The following COX7B2 variants were observed in gnomAD, a reference collection of about 807,000 sequenced individuals.
The protein encoded by COX7B2 is cytochrome c oxidase subunit 7B2, mitochondrial.
For missense variants in COX7B2, 109 were observed against 95.9 expected, an observed-to-expected ratio of 1.14 and a Z score of -0.57; for synonymous variants, 37 against 32.1, an observed-to-expected ratio of 1.15 and a Z score of -0.51.
At chr4:46,763,078 TATTACA>T (rs1716306835) in intron 2 of COX7B2, among the ~76,000 whole-genome samples, 1 of 131,092 alleles carries the variant, frequency 7.6e-6, no homozygotes, top group Non-Finnish European at 1.6e-5. Context: ...ATATAATATA[TATTACA>T]TATTATAATA....
chr4:46,880,168 G>A (rs983644210), intron 1 of COX7B2, among the ~76,000 whole-genome samples: 33 of 152,096 alleles, frequency 2.2e-4, no homozygotes, highest in Admixed American at 5.9e-4. Context: ...TGCTGGATTC[G>A]GTTTACAAGT....
intron 2 of COX7B2, among the ~76,000 whole-genome samples, chr4:46,827,708 G>A (rs1173494072): frequency 1.3e-5 from 2 of 152,136 alleles, no homozygotes; most frequent in African/African-American, 2.4e-5. Context: ...TATACAGGAA[G>A]GAATGAAGAG....
chr4:46,799,871 T>C (rs138556018), intron 2 of COX7B2, among the ~76,000 whole-genome samples: 207 of 152,272 alleles, frequency 1.4e-3, no homozygotes, highest in African/African-American at 4.7e-3. Context: ...ATAAAATAAG[T>C]TAGGGAGGAG....
intron 1 of COX7B2, among the ~76,000 whole-genome samples, chr4:46,872,323 G>C (rs1430062478): frequency 2.6e-5 from 4 of 152,240 alleles, no homozygotes; most frequent in African/African-American, 9.6e-5. Flanking sequence ...GCCTACTTGA[G>C]GGTGGAGGGT....
chr4:46,832,754 T>C (rs1281282096), intron 2 of COX7B2, among the ~76,000 whole-genome samples: 1 of 152,136 alleles, frequency 6.6e-6, no homozygotes, highest in African/African-American at 2.4e-5. Flanking sequence ...CAAAAGAATC[T>C]GGGACCTCCC....
intron 1 of COX7B2, among the ~76,000 whole-genome samples, chr4:46,852,596 G>T (rs1716756409): frequency 6.6e-6 from 1 of 150,490 alleles, no homozygotes; most frequent in Non-Finnish European, 1.5e-5. Context: ...ACACAGAGCT[G>T]ATTTTCATTA....
chr4:46,769,227 G>A (rs182577318), intron 2 of COX7B2, among the ~76,000 whole-genome samples: 1 of 152,054 alleles, frequency 6.6e-6, no homozygotes, highest in Non-Finnish European at 1.5e-5. Flanking sequence ...ATTTTATGAT[G>A]TAATATTACC....
intron 1 of COX7B2, among the ~76,000 whole-genome samples, chr4:46,903,723 A>G (rs1720208339): frequency 1.3e-5 from 2 of 152,188 alleles, no homozygotes; most frequent in Admixed American, 1.3e-4. Context: ...CCATTGTGTT[A>G]CAAGGACCTT....
chr4:46,791,782 T>C (rs1222500539), intron 2 of COX7B2, among the ~76,000 whole-genome samples: 1 of 152,204 alleles, frequency 6.6e-6, no homozygotes, highest in Admixed American at 6.5e-5. Context: ...ATCCAAGCAG[T>C]CCTTTCCATA....
chr4:46,894,866 A>G (rs1454533498), intron 1 of COX7B2, among the ~76,000 whole-genome samples: 1 of 152,234 alleles, frequency 6.6e-6, no homozygotes, highest in Non-Finnish European at 1.5e-5. Context: ...TGCATCCAAG[A>G]AGTATGTGAA....
intron 2 of COX7B2, among the ~76,000 whole-genome samples, chr4:46,807,451 A>G (rs1370080713): frequency 6.6e-6 from 1 of 151,826 alleles, no homozygotes; most frequent in Non-Finnish European, 1.5e-5. Context: ...TCTTTTTCCA[A>G]TCCATAGGCT....
intron 2 of COX7B2, among the ~76,000 whole-genome samples, chr4:46,748,431 G>C (rs529112659): frequency 1.2e-4 from 18 of 152,264 alleles, no homozygotes; most frequent in African/African-American, 3.6e-4. Context: ...TACACAGCAT[G>C]AGAATATTAT....
intron 2 of COX7B2, among the ~76,000 whole-genome samples, chr4:46,753,505 G>A (rs1715540638): frequency 6.6e-6 from 1 of 151,498 alleles, no homozygotes; most frequent in African/African-American, 2.4e-5. Flanking sequence ...AAACTGGCTA[G>A]CCATATGTAG....
chr4:46,786,776 C>T (rs1717773038), intron 2 of COX7B2, among the ~76,000 whole-genome samples: 1 of 152,034 alleles, frequency 6.6e-6, no homozygotes, highest in Admixed American at 6.5e-5. Flanking sequence ...GTAGGGATGC[C>T]CGGCTAGAGA....
chr4:46,837,114 G>C (rs1715564829), intron 2 of COX7B2, among the ~76,000 whole-genome samples: 1 of 151,968 alleles, frequency 6.6e-6, no homozygotes, highest in Admixed American at 6.6e-5. Flanking sequence ...GTTTCCAAAA[G>C]AAAGTGTGCC....
At chr4:46,807,309 C>T (rs1201167806) in intron 2 of COX7B2, among the ~76,000 whole-genome samples, 4 of 151,798 alleles carry the variant, frequency 2.6e-5, no homozygotes, top group African/African-American at 9.7e-5. Flanking sequence ...TTTATGTCTT[C>T]TTTGGAGAAG....
At chr4:46,857,874 T>C (rs1375870122) in intron 1 of COX7B2, among the ~76,000 whole-genome samples, 2 of 152,176 alleles carry the variant, frequency 1.3e-5, no homozygotes, top group Non-Finnish European at 2.9e-5. Context: ...TGTTGTTTTG[T>C]TTTGTTTCTC....
chr4:46,902,983 A>G (rs1178601522), intron 1 of COX7B2, among the ~76,000 whole-genome samples: 3 of 152,240 alleles, frequency 2.0e-5, no homozygotes, highest in Non-Finnish European at 2.9e-5. Context: ...TATGATAAGT[A>G]TATATCTAGC....
intron 2 of COX7B2, among the ~76,000 whole-genome samples, chr4:46,833,817 G>T (rs1474391395): frequency 6.6e-6 from 1 of 152,026 alleles, no homozygotes; most frequent in African/African-American, 2.4e-5. Flanking sequence ...AAAGAAGTGT[G>T]CAAAAAAAAT....
Sources: gnomAD v4.1 joint callset for allele counts (sites outside exome capture counted in the v4.1 genomes callset) on GRCh38, gnomAD v4.1.1 for gene constraint, MANE v1.5 for transcripts, NCBI Gene and HGNC (gene_info 2026-07-23, HGNC 2026-07-21) for gene names.